Variants in ITGB8 observed in about 807,000 individuals in gnomAD.
The protein encoded by ITGB8 is integrin beta-8.
In ITGB8, 30 loss-of-function variants were observed where a neutral mutation model predicts 89.5. The ratio of observed to expected loss-of-function variants is 0.34; its 90% confidence interval spans 0.25 to 0.45. ITGB8 has a LOEUF of 0.45. Ranked by LOEUF, ITGB8 falls within the 20% of genes least tolerant of loss-of-function variation. The probability of loss-of-function intolerance (pLI) is 1.00; values close to 1 mark genes in which losing one functional copy is unlikely to be tolerated. For missense variants in ITGB8, 836 were observed against 933.3 expected (o/e 0.90, Z 1.36); for synonymous variants, 335 against 320.4 (o/e 1.05, Z -0.49).
chr7:20,397,868 A>C (rs1787151428), intron 8 of ITGB8, among the ~76,000 whole-genome samples: 1 of 152,204 alleles, frequency 6.6e-6, no homozygotes, highest in South Asian at 2.1e-4. Context: ...CACTCAAGTA[A>C]AGAATTAGAA....
At chr7:20,348,728 A>T (rs1211554063) in intron 1 of ITGB8, among the ~76,000 whole-genome samples, 2 of 152,186 alleles carry the variant, frequency 1.3e-5, no homozygotes, top group African/African-American at 4.8e-5. Flanking sequence ...GGGGGAGCAT[A>T]TAAATAAGAG....
At chr7:20,338,633 T>C (rs1784652148) in intron 1 of ITGB8, among the ~76,000 whole-genome samples, 1 of 151,830 alleles carries the variant, frequency 6.6e-6, no homozygotes, top group Non-Finnish European at 1.5e-5. Flanking sequence ...ATCTCAAAAA[T>C]AGATAAATAA....
rs77928947 is a variant in ITGB8 at position 20,415,485 on chromosome 7, A to C, written c.*5488A>C. ...TCTGGCTTTGAATTATACGTAACTTAAATTGTCTTAAATGATACAGAATAT... is the reference window on the plus strand; with the variant it reads ...TCTGGCTTTGAATTATACGTAACTTCAATTGTCTTAAATGATACAGAATAT... On this transcript the variant is annotated 3_prime_UTR_variant, in exon 14 of 14. Coordinates refer to ENST00000222573, the MANE Select transcript of ITGB8 (RefSeq NM_002214.3). 2.8e-4 allele frequency: 43 copies of C among 152,638 alleles called. No individual in the cohort carries two copies. In the East Asian group the frequency reaches 7.7e-3, roughly 27 times the overall value. 9.5% of individuals were successfully genotyped at this position (152,638 alleles called of 1,614,324 possible).
At chr7:20,364,798 G>A (rs556916381) in intron 2 of ITGB8, 73 of 152,304 alleles carry the variant, frequency 4.8e-4, no homozygotes, top group African/African-American at 1.4e-3. Flanking sequence ...CCCTTTCCTC[G>A]TCTCTATAAC....
At chr7:20,369,883 T>C (rs1785856827) in intron 3 of ITGB8, among the ~76,000 whole-genome samples, 1 of 152,064 alleles carries the variant, frequency 6.6e-6, no homozygotes, top group Admixed American at 6.6e-5. Context: ...GAAACTCTAG[T>C]CCTATAAGCC....
In ITGB8 at chr7:20,411,439, G is replaced by A. The variant is rs1304965751; in HGVS notation, c.*1442G>A. 6.6e-6 allele frequency: 1 copy of A among 152,460 alleles called. No homozygotes were observed. Among genetic ancestry groups the A allele is most frequent in the Non-Finnish European group, 1.5e-5 (1 of 68,140 alleles). The allele number at this position is 152,460 out of a possible 1,614,324, so 9.4% of individuals were successfully genotyped here. On this transcript the variant is annotated 3_prime_UTR_variant, in exon 14 of 14. Coordinates refer to ENST00000222573, the MANE Select transcript of ITGB8 (RefSeq NM_002214.3). ...CAGAGTGTTGGGATTACAGGCATGA[G>A]CCACCATGCCAGGCTGCTAATTCTC...
chr7:20,347,320 A>G (rs1784960672), intron 1 of ITGB8, among the ~76,000 whole-genome samples: 1 of 152,154 alleles, frequency 6.6e-6, no homozygotes, highest in South Asian at 2.1e-4. Context: ...TAGGGTAGTA[A>G]TGTGATCACT....
Position 20,338,816 on chromosome 7 carries a change from C to T in ITGB8, c.127+6883C>T, listed in dbSNP as rs543620426. On this transcript the variant is annotated intron_variant, in intron 1 of 13. Transcript: ENST00000222573. ...TGTACAGATTATACAAAATTTTACT[C>T]TCTTGCAAATCATGTTACAATGAGA... Among the ~76,000 whole-genome samples the T allele has an allele frequency of 2.0e-5, 3 of 152,262 alleles. No homozygotes were observed. In the South Asian group the frequency reaches 6.2e-4, roughly 32 times the overall value.
chr7:20,360,031 G>A (rs1344816991), intron 1 of ITGB8, among the ~76,000 whole-genome samples: 2 of 152,086 alleles, frequency 1.3e-5, no homozygotes, highest in East Asian at 3.9e-4. Flanking sequence ...TGTAGAACCT[G>A]AGAAATGTAA....
intron 8 of ITGB8, among the ~76,000 whole-genome samples, chr7:20,395,387 T>C (rs1344916446): frequency 6.6e-6 from 1 of 152,244 alleles, no homozygotes. Flanking sequence ...TTAAACTATC[T>C]GGGATATAGC....
intron 3 of ITGB8, among the ~76,000 whole-genome samples, chr7:20,378,234 G>A (rs2127958586): frequency 6.6e-6 from 1 of 152,252 alleles, no homozygotes; most frequent in African/African-American, 2.4e-5. Flanking sequence ...TTCCCTGCGG[G>A]GACTACCGAC....
intron 10 of ITGB8, among the ~76,000 whole-genome samples, chr7:20,403,280 A>G (rs1787387575): frequency 6.6e-6 from 1 of 152,202 alleles, no homozygotes; most frequent in South Asian, 2.1e-4. Context: ...GAGGAAAAAT[A>G]TTATTTTACA....
intron 1 of ITGB8, among the ~76,000 whole-genome samples, chr7:20,359,906 AAAT>A (rs749885384): frequency 6.6e-6 from 1 of 152,284 alleles, no homozygotes; most frequent in South Asian, 2.1e-4. Flanking sequence ...CACTCTCCAG[AAAT>A]AATGTTTGAC....
chr7:20,405,188 T>C lies in ITGB8; in HGVS notation c.1913+335T>C, dbSNP rs1321330476. 3.3e-5 allele frequency among the ~76,000 whole-genome samples: 5 copies of C among 152,170 alleles called. No homozygotes were observed. The East Asian group carries it at 7.7e-4, about 23-fold the overall frequency. On this transcript the variant is annotated intron_variant, in intron 11 of 13. Transcript: ENST00000222573. ...AGTTTCCTGATATCAAAAGTGAGGA[T>C]AGTAATAATACCTTGCTGTATATCT...
At chr7:20,375,840 T>A (rs1278883488) in intron 3 of ITGB8, among the ~76,000 whole-genome samples, 1 of 105,518 alleles carries the variant, frequency 9.5e-6, no homozygotes, top group Admixed American at 1.1e-4. Flanking sequence ...CATATAACTG[T>A]TTATAATACC....
At chr7:20,395,560 G>A (rs1335535840) in intron 8 of ITGB8, among the ~76,000 whole-genome samples, 1 of 152,228 alleles carries the variant, frequency 6.6e-6, no homozygotes, top group African/African-American at 2.4e-5. Flanking sequence ...CCTATGAAGA[G>A]TGAATGCCTC....
At chr7:20,387,005 G>A (rs1786653610) in intron 6 of ITGB8, among the ~76,000 whole-genome samples, 1 of 152,146 alleles carries the variant, frequency 6.6e-6, no homozygotes, top group African/African-American at 2.4e-5. Flanking sequence ...GCAGGGCCAG[G>A]TAAGAAAGAT....
chr7:20,385,174 T>C (rs1049018685), intron 6 of ITGB8, among the ~76,000 whole-genome samples: 1 of 152,160 alleles, frequency 6.6e-6, no homozygotes, highest in Non-Finnish European at 1.5e-5. Context: ...AGGCCAAGAA[T>C]AGCATGAAGG....
intron 1 of ITGB8, among the ~76,000 whole-genome samples, chr7:20,343,769 A>C (rs1784836769): frequency 6.6e-6 from 1 of 152,204 alleles, no homozygotes; most frequent in Non-Finnish European, 1.5e-5. Context: ...GCAGGTAAAA[A>C]ATAGTTATAG....
Sources: gnomAD v4.1 joint callset for allele counts (sites outside exome capture counted in the v4.1 genomes callset) on GRCh38, gnomAD v4.1.1 for gene constraint, MANE v1.5 for transcripts, NCBI Gene and HGNC (gene_info 2026-07-23, HGNC 2026-07-21) for gene names.